Variants in TTF1 observed in about 807,000 individuals in gnomAD.
TTF1 encodes the protein transcription termination factor, RNA polymerase I.
A neutral mutation model predicts 80.2 loss-of-function variants in TTF1; 64 were observed. The ratio of observed to expected loss-of-function variants is 0.80; its 90% CI spans 0.65 to 0.98. The LOEUF (loss-of-function observed/expected upper bound fraction) is 0.98, where lower values mean the gene tolerates loss of function less well. TTF1 is among the 50% of genes least tolerant of loss of function. The pLI is 0.00. For synonymous variants in TTF1, 372 were observed against 382.7 expected, an observed-to-expected ratio of 0.97 and a Z score of 0.33; for missense variants, 1,023 against 1,086.2, an observed-to-expected ratio of 0.94 and a Z score of 0.82.
chr9:132,379,242 G>GT (rs1013314938), intron 9 of TTF1, 98 bp from the exon 10 acceptor site: 185 of 830,718 alleles, frequency 2.2e-4, no homozygotes, highest in South Asian at 3.9e-4. Flanking sequence ...GAGGTTTATA[G>GT]TTTTTTTTAT....
chr9:132,389,190 T>C (rs1168884182), intron 7 of TTF1, among the ~76,000 whole-genome samples: 1 of 151,330 alleles, frequency 6.6e-6, no homozygotes, highest in African/African-American at 2.4e-5. Context: ...TCCTTTTTTT[T>C]TTTTTTTTTT....
In TTF1 at chr9:132,401,479, C is replaced by T. The variant is rs1056899269; in HGVS notation, c.1343G>A (p.Ser448Asn). 2 of 1,611,966 alleles carry T rather than the reference C, an allele frequency of 1.2e-6. No homozygotes were observed. Among genetic ancestry groups the T allele is most frequent in the African/African-American group, 2.7e-5 (2 of 74,750 alleles). Residue 448 changes from serine to asparagine, a missense_variant, in exon 2 of 11, where the codon AGC (serine) becomes AAC (asparagine). Coordinates refer to ENST00000334270, the MANE Select transcript of TTF1 (RefSeq NM_007344.4). ...RQKKTQACLA[S>N]KHVQEAPRLE... ...CCTTGGCGCCTCTTGCACGTGCTTG[C>T]TTGCCAAACAGGCCTGGGTTTTCTT... is the stretch of plus-strand genomic sequence containing the variant.
Position 132,401,687 on chromosome 9 carries a change from AC to A in TTF1, c.1134del (p.Phe379SerfsTer44), listed in dbSNP as rs1849765580. ...GTVEGSTALK[G>X]FKESNSTKKK... is the part of the protein sequence containing the mutation. ...TTCTTTGTACTGTTGGATTCCTTGA[AC>A]CCTTTAAGAGCTGTACTGCCTTCCA... On this transcript the variant is annotated frameshift_variant, in exon 2 of 11. Coordinates refer to ENST00000334270, the MANE Select transcript of TTF1 (RefSeq NM_007344.4). LOFTEE classifies it high-confidence loss of function. 2 of 1,613,838 alleles carry A rather than the reference AC, an allele frequency of 1.2e-6. No homozygotes were observed. The highest frequency in any genetic ancestry group is 4.5e-5 in the East Asian group (2 of 44,878).
intron 5 of TTF1, among the ~76,000 whole-genome samples, chr9:132,392,883 T>G (rs1371359033): frequency 6.6e-6 from 1 of 152,174 alleles, no homozygotes; most frequent in Non-Finnish European, 1.5e-5. Context: ...ACATTAAAAA[T>G]GCCTATCATT....
At chr9:132,382,027 C>T (rs1455226696) in intron 9 of TTF1, among the ~76,000 whole-genome samples, 1 of 152,214 alleles carries the variant, frequency 6.6e-6, no homozygotes, top group Non-Finnish European at 1.5e-5. Flanking sequence ...AGTCACTGAT[C>T]CCCGAGCCCC....
Position 132,398,322 on chromosome 9 carries a change from G to A in TTF1, c.1596C>T (p.Val532=), listed in dbSNP as rs747116451. 45 of 1,604,020 alleles carry A rather than the reference G, an allele frequency of 2.8e-5. No individual in the cohort carries two copies. The South Asian group carries it at 4.6e-4, about 16-fold the overall frequency. Residue 532 remains valine, a synonymous_variant, in exon 4 of 11, where the codon GTC becomes GTT. Transcript: ENST00000334270. ...ERFKEFKAQG[V]AIKFGKFSVK... ...CAGAAAACTTGCCAAATTTAATAGC[G>A]ACACCTAGAATTGGGAAGGAACAGG...
rs771022979 is a variant in TTF1 at position 132,402,546 on chromosome 9, A to G, written c.276T>C (p.Ser92=). The G allele has an allele frequency of 1.2e-6, 2 of 1,614,232 alleles. No homozygotes were observed. Among genetic ancestry groups the G allele is most frequent in the Non-Finnish European group, 1.7e-6 (2 of 1,180,054 alleles). ...CTGCTTCCTCGTCCACCTCCAAAGC[A>G]CTATATCTTCTCTTTTTTCTCTTTT... is the stretch of plus-strand genomic sequence containing the variant. The part of the protein sequence containing the change: ...TLKKRKKRRY[S]ALEVDEEAGV... Residue 92 remains serine (S), a synonymous_variant, in exon 2 of 11, where the codon AGT becomes AGC. Coordinates refer to ENST00000334270, the MANE Select transcript of TTF1 (RefSeq NM_007344.4).
rs532546603 is a variant in TTF1, at chr9:132,382,139, C to T, written c.2379-2995G>A. 5.3e-5 allele frequency among the ~76,000 whole-genome samples: 8 copies of T among 152,270 alleles called. No homozygotes were observed. The South Asian group carries it at 6.2e-4, about 12-fold the overall frequency. ...TATCGAGAGTGGTGGGCCCTCCAAT[C>T]GCAGGAACTGATTAAAATGCAAGAG... On this transcript the variant is annotated intron_variant, in intron 9 of 10. Coordinates refer to ENST00000334270, the MANE Select transcript of TTF1 (RefSeq NM_007344.4).
chr9:132,387,668 C>T (rs1849493898), intron 8 of TTF1, among the ~76,000 whole-genome samples: 3 of 152,128 alleles, frequency 2.0e-5, no homozygotes, highest in Admixed American at 2.0e-4. Flanking sequence ...CCCATGTCTC[C>T]CTTTTCCTCG....
chr9:132,381,255 G>T (rs1044679291), intron 9 of TTF1, among the ~76,000 whole-genome samples: 4 of 151,458 alleles, frequency 2.6e-5, no homozygotes, highest in Middle Eastern at 3.2e-3. Context: ...GTGCAGTGAC[G>T]CAATCTCGGC....
At chr9:132,396,403 T>C (rs771381104) in intron 5 of TTF1, 30 bp downstream of exon 5, 3 of 1,597,876 alleles carry the variant, frequency 1.9e-6, no homozygotes, top group Middle Eastern at 1.7e-4. Context: ...AGAGAAATGT[T>C]GTCTCAAGCT....
At position 132,396,472 on chromosome 9, in the gene TTF1, C is replaced by T. The variant is rs199515529; in HGVS notation, c.1817G>A (p.Arg606Gln). Residue 606 changes from arginine to glutamine, a missense_variant, in exon 5 of 11, where the codon CGA becomes CAA. Arg to Gln is a conservative substitution (Grantham distance 43, BLOSUM62 1). Coordinates refer to ENST00000334270, the MANE Select transcript of TTF1 (RefSeq NM_007344.4). ...IARPWKLIYY[R>Q]AKKMFDVNNY... ...GTTGACATCGAACATCTTCTTTGCT[C>T]GATAGTATATAAGTTTCCAGGGCCG... is the stretch of plus-strand genomic sequence containing the variant. 3.1e-6 allele frequency: 5 copies of T among 1,614,008 alleles called. No individual in the cohort carries two copies. The highest frequency in any genetic ancestry group is 1.1e-5 in the South Asian group (1 of 91,078).
At chr9:132,400,821 C>T (rs933050974) in intron 2 of TTF1, among the ~76,000 whole-genome samples, 6 of 152,100 alleles carry the variant, frequency 3.9e-5, no homozygotes, top group Non-Finnish European at 7.4e-5. Context: ...GACTATTTTT[C>T]AAAGGTAATT....
intron 1 of TTF1, 150 bp from the exon 2 acceptor site, chr9:132,402,978 C>T (rs1849796895): frequency 2.6e-6 from 2 of 768,232 alleles, no homozygotes; most frequent in Non-Finnish European, 4.0e-6. Flanking sequence ...GCCTCAGCCT[C>T]CCGAATAGCT....
chr9:132,403,598 C>A (rs895877620), intron 1 of TTF1, among the ~76,000 whole-genome samples: 2 of 151,820 alleles, frequency 1.3e-5, no homozygotes, highest in African/African-American at 4.8e-5. Context: ...TGGCCTGATT[C>A]CCAAGTAATA....
At position 132,398,166 on chromosome 9, in the gene TTF1, C is replaced by T; in HGVS notation, c.1752G>A (p.Arg584=). 1 of 1,588,828 alleles carries T rather than the reference C, an allele frequency of 6.3e-7. No individual in the cohort carries two copies. Among genetic ancestry groups the T allele is most frequent in the Non-Finnish European group, 8.5e-7 (1 of 1,172,656 alleles). Residue 584 remains arginine, a synonymous_variant, in exon 4 of 11, where the codon AGG becomes AGA. Coordinates refer to ENST00000334270, the MANE Select transcript of TTF1 (RefSeq NM_007344.4). ...EEKSVITNLK[R]RYSFRLHIGR... is the part of the protein sequence containing the mutation. Reference sequence around the variant, plus strand: ...CAATGTGTAATCTAAACGAGTATCTCCTTTTTAAGTTGGTGATCACAGATT... The same window carrying T: ...CAATGTGTAATCTAAACGAGTATCTTCTTTTTAAGTTGGTGATCACAGATT...
At chr9:132,383,776 C>T (rs1301235301) in intron 9 of TTF1, among the ~76,000 whole-genome samples, 1 of 152,202 alleles carries the variant, frequency 6.6e-6, no homozygotes, top group African/African-American at 2.4e-5. Flanking sequence ...GTGGCGCTGG[C>T]ACACCACCCT....
chr9:132,396,028 T>C (rs1056902197), intron 5 of TTF1, among the ~76,000 whole-genome samples: 8 of 152,196 alleles, frequency 5.3e-5, no homozygotes, highest in African/African-American at 1.7e-4. Flanking sequence ...TCCCAGCACT[T>C]ACCTCCACCT....
intron 10 of TTF1, among the ~76,000 whole-genome samples, chr9:132,377,896 TG>T (rs1849255993): frequency 7.8e-6 from 1 of 128,712 alleles, no homozygotes; most frequent in Non-Finnish European, 1.6e-5. Context: ...TGAGTGCATG[TG>T]GTGTGAGTGC....
Sources: allele counts gnomAD v4.1 joint callset (sites outside exome capture counted in the v4.1 genomes callset), GRCh38; gene constraint gnomAD v4.1.1; transcripts MANE v1.5; gene names NCBI Gene and HGNC (gene_info 2026-07-23, HGNC 2026-07-21).